Variants in SLX4IP observed in about 807,000 individuals in gnomAD.
SLX4IP encodes the protein SLX4 interacting protein, also known as protein SLX4IP.
In SLX4IP, 34 loss-of-function variants were observed where a neutral mutation model predicts 32.9. The observed-to-expected ratio is 1.03, with a 90% CI of 0.79 to 1.38. The LOEUF (loss-of-function observed/expected upper bound fraction) is 1.38. SLX4IP is among the 40% of genes most tolerant of loss of function. The pLI, the probability that SLX4IP is intolerant of heterozygous loss-of-function variation, is 0.00. For synonymous variants in SLX4IP, 172 were observed against 171.7 expected, an observed-to-expected ratio of 1.00 and a Z score of -0.01; for missense variants, 444 against 479.0, an observed-to-expected ratio of 0.93 and a Z score of 0.68.
intron 2 of SLX4IP, among the ~76,000 whole-genome samples, chr20:10,527,289 G>C (rs544369447): frequency 1.3e-5 from 2 of 152,296 alleles, no homozygotes; most frequent in East Asian, 3.9e-4. Flanking sequence ...TCCTTGAATA[G>C]CCATAGAAAT....
chr20:10,453,312 G>GTGTGTA (rs1250709981), intron 1 of SLX4IP, among the ~76,000 whole-genome samples: 1 of 151,604 alleles, frequency 6.6e-6, no homozygotes, highest in Non-Finnish European at 1.5e-5. Context: ...TCATCCGTGT[G>GTGTGTA]TGTGTGTGTG....
At chr20:10,555,816 A>T (rs906310719) in intron 2 of SLX4IP, among the ~76,000 whole-genome samples, 1 of 152,172 alleles carries the variant, frequency 6.6e-6, no homozygotes, top group African/African-American at 2.4e-5. Context: ...GCAGTATCTT[A>T]TATCTGTTAT....
chr20:10,572,350 C>G (rs1411873639), intron 4 of SLX4IP, among the ~76,000 whole-genome samples: 1 of 152,104 alleles, frequency 6.6e-6, no homozygotes, highest in Non-Finnish European at 1.5e-5. Context: ...CAATTTTCCT[C>G]TAATCATAAA....
At chr20:10,495,425 C>T (rs1382245030) in intron 2 of SLX4IP, among the ~76,000 whole-genome samples, 1 of 152,002 alleles carries the variant, frequency 6.6e-6, no homozygotes, top group African/African-American at 2.4e-5. Context: ...GGTACATGGT[C>T]GGGGTTTTGT....
intron 6 of SLX4IP, among the ~76,000 whole-genome samples, chr20:10,612,214 A>C (rs1347214708): frequency 6.6e-6 from 1 of 152,204 alleles, no homozygotes; most frequent in Non-Finnish European, 1.5e-5. Context: ...AACACTCTCC[A>C]GTTTCCAAAG....
intron 2 of SLX4IP, among the ~76,000 whole-genome samples, chr20:10,495,342 C>T (rs1366600745): frequency 6.6e-6 from 1 of 151,776 alleles, no homozygotes; most frequent in Non-Finnish European, 1.5e-5. Context: ...TTTAACTGCC[C>T]ACATTATGGC....
At chr20:10,524,418 G>A (rs1233382253) in intron 2 of SLX4IP, among the ~76,000 whole-genome samples, 9 of 152,116 alleles carry the variant, frequency 5.9e-5, no homozygotes, top group Admixed American at 5.2e-4. Context: ...CCACGTTGCC[G>A]AGAAACATGA....
chr20:10,489,250 C>T (rs1428672886), intron 2 of SLX4IP, among the ~76,000 whole-genome samples: 4 of 152,110 alleles, frequency 2.6e-5, no homozygotes, highest in African/African-American at 9.7e-5. Context: ...TAGTTCGGTC[C>T]ACTAATGTAG....
At chr20:10,614,473 G>A (rs559497749) in intron 6 of SLX4IP, among the ~76,000 whole-genome samples, 91 of 152,310 alleles carry the variant, frequency 6.0e-4, no homozygotes, top group African/African-American at 2.2e-3. Flanking sequence ...GTCAGGATGA[G>A]CTGGGATTGG....
chr20:10,555,451 CTTAAA>C (rs1356021225), intron 2 of SLX4IP, among the ~76,000 whole-genome samples: 2 of 152,168 alleles, frequency 1.3e-5, no homozygotes, highest in Non-Finnish European at 2.9e-5. Context: ...CATGTAGCTA[CTTAAA>C]TTTAATTTAA....
At chr20:10,613,956 G>C (rs2066997115) in intron 6 of SLX4IP, 1 of 1,162,904 alleles carries the variant, frequency 8.6e-7, no homozygotes, top group Non-Finnish European at 1.3e-6. Context: ...GAGCACAGGA[G>C]AGTCCTCGTC....
chr20:10,614,140 A>G, intron 6 of SLX4IP: 1 of 1,270,872 alleles, frequency 7.9e-7, no homozygotes, highest in Non-Finnish European at 1.1e-6. Flanking sequence ...TCGCCATCGG[A>G]GGCCTCGCGT....
chr20:10,462,925 T>A (rs1366989014), intron 2 of SLX4IP, among the ~76,000 whole-genome samples: 1 of 152,214 alleles, frequency 6.6e-6, no homozygotes, highest in Non-Finnish European at 1.5e-5. Flanking sequence ...ATACAAAATA[T>A]GAACACTCAA....
At chr20:10,577,935 C>T (rs769157271) in intron 4 of SLX4IP, among the ~76,000 whole-genome samples, 3 of 152,158 alleles carry the variant, frequency 2.0e-5, no homozygotes, top group Non-Finnish European at 2.9e-5. Context: ...TTATATATCT[C>T]GTTTTTTAAA....
intron 2 of SLX4IP, among the ~76,000 whole-genome samples, chr20:10,473,180 G>C (rs1370410745): frequency 6.6e-6 from 1 of 152,218 alleles, no homozygotes; most frequent in Non-Finnish European, 1.5e-5. Flanking sequence ...ACGCTGTGGT[G>C]GTACTTAGCT....
intron 2 of SLX4IP, among the ~76,000 whole-genome samples, chr20:10,526,113 C>T (rs1022751504): frequency 3.3e-5 from 5 of 152,174 alleles, no homozygotes; most frequent in African/African-American, 7.2e-5. Context: ...TTCCTTCATG[C>T]GCACATCACA....
intron 2 of SLX4IP, among the ~76,000 whole-genome samples, chr20:10,529,420 C>A (rs905768163): frequency 6.6e-6 from 1 of 151,698 alleles, no homozygotes; most frequent in Admixed American, 6.6e-5. Context: ...GAAACCGCAT[C>A]TCTACTAAAA....
chr20:10,613,343 G>C, intron 6 of SLX4IP: 1 of 1,018,378 alleles, frequency 9.8e-7, no homozygotes, highest in Admixed American at 1.8e-5. Context: ...CTTTTCTCAA[G>C]AGTTGAATTG....
intron 2 of SLX4IP, among the ~76,000 whole-genome samples, chr20:10,552,162 G>C (rs1055891561): frequency 1.3e-5 from 2 of 152,190 alleles, no homozygotes; most frequent in Non-Finnish European, 2.9e-5. Context: ...TGGGGGACTC[G>C]CAGCCCAGTG....
Sources: gnomAD v4.1 joint callset for allele counts (sites outside exome capture counted in the v4.1 genomes callset) on GRCh38, gnomAD v4.1.1 for gene constraint, MANE v1.5 for transcripts, NCBI Gene and HGNC (gene_info 2026-07-23, HGNC 2026-07-21) for gene names.